Variants in SLC12A7 observed in about 807,000 individuals in gnomAD.
SLC12A7 encodes the protein solute carrier family 12 member 7, also known as K-Cl cotransporter 4.
Under a neutral mutation model 120.6 loss-of-function variants are expected in SLC12A7, and 100 were observed. That is an observed-to-expected ratio of 0.83 (90% CI 0.71 to 0.98). The LOEUF is 0.98. Among genes scored for constraint, SLC12A7 ranks in the 50% least tolerant of loss-of-function variants. SLC12A7 has a pLI of 0.00. For missense variants in SLC12A7, 1,373 were observed against 1,548.1 expected (o/e 0.89, Z 1.90); for synonymous variants, 760 against 678.0 (o/e 1.12, Z -1.88).
In SLC12A7 at chr5:1,085,348, G is replaced by A. The variant is rs371219794; in HGVS notation, c.801C>T (p.Phe267=). 24 of 1,612,616 alleles carry A rather than the reference G, an allele frequency of 1.5e-5. No homozygotes were observed. The Admixed American group carries it at 1.7e-4, about 11-fold the overall frequency. Residue 267 remains phenylalanine (F), a synonymous_variant, in exon 7 of 24, where the codon TTC becomes TTT. Coordinates refer to ENST00000264930, the MANE Select transcript of SLC12A7 (RefSeq NM_006598.3). Reference sequence around the variant, plus strand: ...GCTTGTTGACATACTTGACGCCCACGAAGACCACCAGGGCCATGAGCACGA... The same window carrying A: ...GCTTGTTGACATACTTGACGCCCACAAAGACCACCAGGGCCATGAGCACGA... The part of the protein sequence containing the change: ...CTLVLMALVV[F]VGVKYVNKLA...
chr5:1,055,530 C>T (rs1322657936), intron 22 of SLC12A7, among the ~76,000 whole-genome samples: 1 of 152,194 alleles, frequency 6.6e-6, no homozygotes, highest in East Asian at 1.9e-4. Context: ...ACTGCTGGGC[C>T]AAGAGAGTCA....
intron 18 of SLC12A7, among the ~76,000 whole-genome samples, chr5:1,064,658 C>G (rs573214793): frequency 4.9e-5 from 7 of 143,564 alleles, no homozygotes; most frequent in African/African-American, 1.3e-4. Flanking sequence ...GGCGAGGAGA[C>G]AGTGAAGGGA....
At chr5:1,089,347 G>T (rs923035961) in intron 3 of SLC12A7, among the ~76,000 whole-genome samples, 1 of 152,188 alleles carries the variant, frequency 6.6e-6, no homozygotes, top group Non-Finnish European at 1.5e-5. Flanking sequence ...GAACCACATG[G>T]TTGGCAGAGA....
intron 12 of SLC12A7, among the ~76,000 whole-genome samples, chr5:1,077,058 G>C (rs1579365694): frequency 6.8e-6 from 1 of 147,032 alleles, no homozygotes. Flanking sequence ...GCCCCAGCCT[G>C]CCCCCCCGCC....
chr5:1,150,621 A>G, the SLC12A7 span, among the ~76,000 whole-genome samples: 1 of 152,282 alleles, frequency 6.6e-6, no homozygotes, highest in Non-Finnish European at 1.5e-5. Flanking sequence ...GAAAGGATGG[A>G]CATGCGTTCA....
intron 5 of SLC12A7, among the ~76,000 whole-genome samples, chr5:1,087,977 T>G (rs1235078855): frequency 6.6e-6 from 1 of 152,128 alleles, no homozygotes; most frequent in Non-Finnish European, 1.5e-5. Flanking sequence ...GAGATACAGG[T>G]TCCAAGAACT....
chr5:1,065,388 T>C lies in SLC12A7; in HGVS notation c.2332A>G (p.Ile778Val), dbSNP rs1286222196. 11 of 1,612,582 alleles carry C rather than the reference T, an allele frequency of 6.8e-6. No individual in the cohort carries two copies. Among genetic ancestry groups the C allele is most frequent in the Non-Finnish European group, 6.8e-6 (8 of 1,179,646 alleles). ...AGGCCGCCCAGGCCGGCCGACTGGA[T>C]CAGGTGGGACATGCCATCCCGCAGG... ...SSLRDGMSHL[I>V]QSAGLGGLKH... Residue 778 changes from isoleucine (I) to valine (V), a missense_variant, in exon 18 of 24, where the codon ATC (isoleucine) becomes GTC (valine). Physicochemically the swap from Ile to Val is conservative, Grantham distance 29. Coordinates refer to ENST00000264930, the MANE Select transcript of SLC12A7 (RefSeq NM_006598.3).
At chr5:1,100,935 G>C (rs1741953411) in intron 1 of SLC12A7, among the ~76,000 whole-genome samples, 1 of 152,204 alleles carries the variant, frequency 6.6e-6, no homozygotes, top group African/African-American at 2.4e-5. Context: ...ACATGAGCCT[G>C]CAGGGATGTG....
Position 1,081,605 on chromosome 5 carries a change from C to A in SLC12A7, c.1269G>T (p.Leu423=), listed in dbSNP as rs754596739. Residue 423 remains leucine, a synonymous_variant, in exon 9 of 24, where the codon CTG becomes CTT. Transcript: ENST00000264930. ...LTDIAASFTL[L]VGIYFPSVTG... ...TCACGGAAGGGAAGTAGATGCCAAC[C>A]AGCAGGGTGAAGGAGGCCGCGATGT... 6 of 1,607,286 alleles carry A rather than the reference C, an allele frequency of 3.7e-6. No homozygotes were observed. In the South Asian group the frequency reaches 4.4e-5, roughly 12 times the overall value.
At position 1,094,197 on chromosome 5, in the gene SLC12A7, T is replaced by G. The variant is rs150348249; in HGVS notation, c.176A>C (p.Glu59Ala). The G allele has an allele frequency of 1.2e-6, 2 of 1,613,654 alleles. No individual in the cohort carries two copies. The highest frequency in any genetic ancestry group is 2.7e-5 in the African/African-American group (2 of 74,938). Residue 59 changes from glutamate to alanine, a missense_variant, in exon 2 of 24, where the codon GAA (glutamate) becomes GCA (alanine). By Grantham distance (107) the Glu-to-Ala change is moderately radical. Transcript: ENST00000264930. ...CTTCCCTTCAAAGAAGCTCTCTTGT[T>G]CCACCTCGACATTGTTGAGGAATGG... is the stretch of plus-strand genomic sequence containing the variant. ...NSPFLNNVEV[E>A]QESFFEGKNM...
At chr5:1,148,523 G>C in the SLC12A7 span, among the ~76,000 whole-genome samples, 240 of 152,184 alleles carry the variant, frequency 1.6e-3, no homozygotes, top group African/African-American at 5.5e-3. Context: ...TACTTTTTAA[G>C]GCTAAATAAT....
At chr5:1,130,282 G>T in the SLC12A7 span, among the ~76,000 whole-genome samples, 1 of 152,176 alleles carries the variant, frequency 6.6e-6, no homozygotes, top group Non-Finnish European at 1.5e-5. Context: ...CTGGGAGGAG[G>T]CACTCTCAGG....
At chr5:1,152,857 G>A in the SLC12A7 span, among the ~76,000 whole-genome samples, 11 of 152,202 alleles carry the variant, frequency 7.2e-5, no homozygotes, top group African/African-American at 2.7e-4. Context: ...AGCTGTCTCT[G>A]GAGGATTAGA....
At chr5:1,114,940 A>T (rs1236466912), upstream of SLC12A7, among the ~76,000 whole-genome samples, 1 of 152,214 alleles carries the variant, frequency 6.6e-6, no homozygotes, top group Non-Finnish European at 1.5e-5. Flanking sequence ...CATCTGGATA[A>T]TGGTGCCCAC....
Position 1,079,433 on chromosome 5 carries a change from C to T in SLC12A7, c.1361G>A (p.Gly454Glu). 6.2e-7 allele frequency: 1 copy of T among 1,612,780 alleles called. No individual in the cohort carries two copies. The highest frequency in any genetic ancestry group is 1.1e-5 in the South Asian group (1 of 91,084). Reference protein sequence around the residue: ...LKDAQKSIPTGTILAIVTTSF... With the variant: ...LKDAQKSIPTETILAIVTTSF... ...CGTCGTCACTATGGCCAGGATGGTC[C>T]CCGTGGGGATGGACTTCTGTGCATC... is the stretch of plus-strand genomic sequence containing the variant. Residue 454 changes from glycine to glutamate, a missense_variant, in exon 10 of 24, where the codon GGG becomes GAG. Transcript: ENST00000264930.
At chr5:1,076,889 A>C (rs1443983041) in intron 12 of SLC12A7, 77 bp from the exon 13 acceptor site, 1 of 980,070 alleles carries the variant, frequency 1.0e-6, no homozygotes, top group African/African-American at 1.6e-5. Flanking sequence ...GGTCAGGTCT[A>C]GCCCAGATGA....
intron 10 of SLC12A7, 88 bp from the exon 11 acceptor site, chr5:1,078,846 G>GC (rs2150840225): frequency 2.4e-6 from 1 of 415,106 alleles, no homozygotes; most frequent in Non-Finnish European, 4.9e-6. Context: ...GGTGGGTGGG[G>GC]AGATGCACTG....
rs142304713 is a variant in SLC12A7 at position 1,066,975 on chromosome 5, G to A, written c.2242-1497C>T. Among the ~76,000 whole-genome samples, 19 of 152,196 alleles carry A rather than the reference G, an allele frequency of 1.2e-4. No individual in the cohort carries two copies. The East Asian group carries it at 2.7e-3, about 22-fold the overall frequency. ...AGAGCCACCACCTGCCTCCTTTGCC[G>A]AGATTCCAGCAGCCCCTACGTCAGC... is the stretch of plus-strand genomic sequence containing the variant. On this transcript the variant is annotated intron_variant, in intron 17 of 23. Transcript: ENST00000264930.
chr5:1,064,301 A>G (rs778277736), intron 18 of SLC12A7, 49 bp from the exon 19 acceptor site: 5 of 1,571,838 alleles, frequency 3.2e-6, no homozygotes, highest in Non-Finnish European at 4.3e-6. Context: ...CAGGGTGCGG[A>G]AGGGGCCTCC....
Sources: gnomAD v4.1 joint callset for allele counts (sites outside exome capture counted in the v4.1 genomes callset) on GRCh38, gnomAD v4.1.1 for gene constraint, MANE v1.5 for transcripts, NCBI Gene and HGNC (gene_info 2026-07-23, HGNC 2026-07-21) for gene names.